CDH23: variants seen among roughly 807,000 people sequenced by gnomAD.
The protein encoded by CDH23 is cadherin related 23, also known as cadherin-23.
In CDH23, 189 loss-of-function variants were observed where a neutral mutation model predicts 317.1. The ratio of observed to expected loss-of-function variants is 0.60; its 90% CI spans 0.53 to 0.67. The LOEUF is 0.67. CDH23 is among the 30% of genes least tolerant of loss of function. CDH23 has a pLI of 0.00. For missense variants in CDH23, 4,401 were observed against 4,592.4 expected (o/e 0.96, Z 1.20); for synonymous variants, 1,839 against 1,876.8 (o/e 0.98, Z 0.52).
At chr10:71,660,180 C>T (rs896657635) in intron 14 of CDH23, among the ~76,000 whole-genome samples, 2 of 151,944 alleles carry the variant, frequency 1.3e-5, no homozygotes, top group Admixed American at 1.3e-4. Context: ...AGGATGGTCT[C>T]GATCTCCTGA....
intron 11 of CDH23, chr10:71,617,616 T>C (rs946093655): frequency 5.3e-5 from 64 of 1,197,784 alleles, no homozygotes; most frequent in Non-Finnish European, 6.7e-5. Flanking sequence ...TGTTTCCATA[T>C]GTGTGGTTAT....
At chr10:71,727,334 C>T (rs1470126233) in intron 30 of CDH23, among the ~76,000 whole-genome samples, 1 of 152,236 alleles carries the variant, frequency 6.6e-6, no homozygotes, top group South Asian at 2.1e-4. Context: ...AAAGCCCAGT[C>T]AGAAACCACT....
At chr10:71,496,148 A>G (rs1564615742) in intron 3 of CDH23, among the ~76,000 whole-genome samples, 1 of 152,238 alleles carries the variant, frequency 6.6e-6, no homozygotes, top group Non-Finnish European at 1.5e-5. Flanking sequence ...TGGGTCCTGC[A>G]CTAGACCAAT....
intron 22 of CDH23, among the ~76,000 whole-genome samples, chr10:71,697,688 C>T (rs1370814609): frequency 6.6e-6 from 1 of 151,894 alleles, no homozygotes; most frequent in Non-Finnish European, 1.5e-5. Context: ...AAAAAGGAAG[C>T]TCCCGCCCTG....
chr10:71,712,208 T>A (rs1865998893), intron 27 of CDH23: 1 of 158,110 alleles, frequency 6.3e-6, no homozygotes, highest in South Asian at 1.8e-4. Flanking sequence ...ACACTTGCCA[T>A]TGGGTTTATG....
chr10:71,757,468 C>T (rs9415995), intron 38 of CDH23: 55,083 of 152,300 alleles, frequency 0.36, 10,145 homozygotes, highest in East Asian at 0.41. Context: ...TTTCTGAAGC[C>T]GTAGGCATCT....
chr10:71,537,606 T>C (rs1855769944), intron 6 of CDH23, among the ~76,000 whole-genome samples: 1 of 152,194 alleles, frequency 6.6e-6, no homozygotes, highest in Non-Finnish European at 1.5e-5. Flanking sequence ...AGCCCAGTGA[T>C]GAAGGAACAG....
chr10:71,706,952 T>G lies in CDH23; in HGVS notation c.3009T>G (p.Ser1003=), dbSNP rs10823829. 6.2e-7 allele frequency: 1 copy of G among 1,606,772 alleles called. No homozygotes were observed. The highest frequency in any genetic ancestry group is 8.5e-7 in the Non-Finnish European group (1 of 1,177,072). The change falls in exon 26 of 70, where the codon TCT becomes TCG. Residue 1003 remains serine, a synonymous_variant. Coordinates refer to ENST00000224721, the MANE Select transcript of CDH23 (RefSeq NM_022124.6). ...PTFFPAVYNV[S]VSEDVPREFR... ...TCTTCCCGGCCGTGTACAATGTGTC[T>G]GTGTCCGAGGACGTGCCACGCGAGT...
chr10:71,398,626 TG>T (rs1325135646), intron 1 of CDH23, among the ~76,000 whole-genome samples: 1 of 151,932 alleles, frequency 6.6e-6, no homozygotes, highest in Non-Finnish European at 1.5e-5. Context: ...GCTTGGTTCG[TG>T]GTGCAGGGGT....
chr10:71,678,924 A>C lies in CDH23; in HGVS notation c.1753-463A>C, dbSNP rs1369671718. Among the ~76,000 whole-genome samples, 3 of 152,278 alleles carry C rather than the reference A, an allele frequency of 2.0e-5. No individual in the cohort carries two copies. The East Asian group carries it at 5.8e-4, about 29-fold the overall frequency. ...TCACATGAAGCTGACGGTCTAAGTG[A>C]GGGAGGCAGAAATTAGATAAGAAAT... On this transcript the variant is annotated intron_variant, in intron 16 of 69. Coordinates refer to ENST00000224721, the MANE Select transcript of CDH23 (RefSeq NM_022124.6).
At chr10:71,465,691 A>G (rs1446461936) in intron 3 of CDH23, among the ~76,000 whole-genome samples, 1 of 152,172 alleles carries the variant, frequency 6.6e-6, no homozygotes, top group Admixed American at 6.5e-5. Context: ...CACAGCTACT[A>G]TGAATTCTTT....
chr10:71,515,394 T>TCTCACACACACA (rs1491490493), intron 6 of CDH23, among the ~76,000 whole-genome samples: 39 of 26,700 alleles, frequency 1.5e-3, no homozygotes, highest in African/African-American at 3.1e-3. Context: ...TCTCTCTCTC[T>TCTCACACACACA]CACACACACA....
intron 6 of CDH23, among the ~76,000 whole-genome samples, chr10:71,521,278 G>A (rs918683669): frequency 1.1e-4 from 16 of 152,086 alleles, no homozygotes; most frequent in South Asian, 2.1e-4. Flanking sequence ...TCCTTGCCCC[G>A]GAGAGTCGTG....
chr10:71,815,183 G>T lies in CDH23; in HGVS notation c.9970G>T (p.Glu3324Ter), dbSNP rs763119683. Residue 3324 changes from glutamate to a stop codon, truncating the protein, a stop_gained, in exon 70 of 70, where the codon GAG becomes TAG. Coordinates refer to ENST00000224721, the MANE Select transcript of CDH23 (RefSeq NM_022124.6). LOFTEE classifies it high-confidence loss of function. ...GACCGCTGCCGAGGCCACTGCCTTC[G>T]AGCGCAACGCCCGCACAGAATCCGC... ...TLTAAEATAF[E>*]RNARTESAKS... 1.2e-6 allele frequency: 2 copies of T among 1,610,842 alleles called. No homozygotes were observed. The highest frequency in any genetic ancestry group is 2.2e-5 in the South Asian group (2 of 90,878).
chr10:71,614,044 A>C (rs1217699878), intron 9 of CDH23, among the ~76,000 whole-genome samples: 1 of 152,262 alleles, frequency 6.6e-6, no homozygotes, highest in African/African-American at 2.4e-5. Flanking sequence ...GAACCAGAGC[A>C]CAGAGGGTTT....
chr10:71,597,526 C>T (rs1589248675), intron 9 of CDH23, among the ~76,000 whole-genome samples: 1 of 152,128 alleles, frequency 6.6e-6, no homozygotes, highest in African/African-American at 2.4e-5. Context: ...GGCAGGGGCT[C>T]CTCAGAGCCT....
At chr10:71,439,779 T>A in intron 1 of CDH23, 48 bp from the exon 2 acceptor site, 2 of 1,417,122 alleles carry the variant, frequency 1.4e-6, no homozygotes, top group South Asian at 2.5e-5. Flanking sequence ...GCAGACCCTC[T>A]GCCACCCAGG....
rs557460474 is a variant in CDH23, at chr10:71,707,066, C to T, written c.3106+17C>T. On this transcript the variant is annotated intron_variant, in intron 26 of 69. Coordinates refer to ENST00000224721, the MANE Select transcript of CDH23 (RefSeq NM_022124.6). ...TCATCACAGGTGCTGCCCCGGCCTC[C>T]GCCCACCTGTGCAGGCCTCCTGGGG... 544 of 1,592,926 alleles carry T rather than the reference C, an allele frequency of 3.4e-4. 6 individuals are homozygous for T. The East Asian group carries it at 0.012, about 35-fold the overall frequency.
chr10:71,501,010 G>A (rs933670047), intron 3 of CDH23, among the ~76,000 whole-genome samples: 1 of 151,946 alleles, frequency 6.6e-6, no homozygotes, highest in Non-Finnish European at 1.5e-5. Flanking sequence ...TGGGATTACA[G>A]GCCTGTGACA....
Sources: allele counts gnomAD v4.1 joint callset (sites outside exome capture counted in the v4.1 genomes callset), GRCh38; gene constraint gnomAD v4.1.1; transcripts MANE v1.5; gene names NCBI Gene and HGNC (gene_info 2026-07-23, HGNC 2026-07-21).